EFHC2: variants seen among roughly 807,000 people sequenced by gnomAD.
The protein encoded by EFHC2 is EF-hand domain containing 2.
In EFHC2, 18 loss-of-function variants were observed where a neutral mutation model predicts 52.7. That is an observed-to-expected ratio of 0.34 (90% CI 0.24 to 0.51). The LOEUF is 0.51. Ranked by LOEUF, EFHC2 falls within the 20% of genes least tolerant of loss-of-function variation. The probability of loss-of-function intolerance (pLI) is 0.97; values close to 1 mark genes in which losing one functional copy is unlikely to be tolerated. For missense variants in EFHC2, 513 were observed against 562.5 expected (o/e 0.91, Z 0.89); for synonymous variants, 203 against 204.1 (o/e 0.99, Z 0.04).
At chrX:44,277,854 A>C (rs949234142) in intron 2 of EFHC2, among the ~76,000 whole-genome samples, 1 of 110,797 alleles carries the variant, frequency 9.0e-6, no homozygotes, top group Non-Finnish European at 1.9e-5. Context: ...AAATATAAAA[A>C]ATATACAAAT....
chrX:44,252,635 T>C (rs761113140), intron 4 of EFHC2, among the ~76,000 whole-genome samples: 85 of 112,284 alleles, frequency 7.6e-4, no homozygotes, highest in Non-Finnish European at 1.2e-3. Flanking sequence ...CAGAAGTAAA[T>C]GTATGAAAGT....
chrX:44,276,302 C>T lies in EFHC2; in HGVS notation c.232-3466G>A, dbSNP rs771136740. On this transcript the variant is annotated intron_variant, in intron 2 of 14. Coordinates refer to ENST00000420999, the MANE Select transcript of EFHC2 (RefSeq NM_025184.4). ...AACTAGTCAGGTATGGTGGTGCGTG[C>T]CTCATAGTCCAAGCTGCTCAGGAAG... is the stretch of plus-strand genomic sequence containing the variant. 4.5e-3 allele frequency among the ~76,000 whole-genome samples: 505 copies of T among 111,083 alleles called. 3 individuals are homozygous for T. Among genetic ancestry groups the T allele is most frequent in the Non-Finnish European group, 5.5e-3 (293 of 52,971 alleles).
At chrX:44,323,386 G>T (rs1411850128) in intron 1 of EFHC2, among the ~76,000 whole-genome samples, 1 of 112,021 alleles carries the variant, frequency 8.9e-6, no homozygotes, top group African/African-American at 3.2e-5. Flanking sequence ...ATAGATTAGG[G>T]TTACAGGAAT....
chrX:44,151,804 C>T (rs943690379), intron 14 of EFHC2, among the ~76,000 whole-genome samples: 10 of 111,572 alleles, frequency 9.0e-5, no homozygotes, highest in Non-Finnish European at 1.7e-4. Context: ...AGTAGGAAAA[C>T]AAGGCTCAGA....
At chrX:44,177,095 G>A (rs1474765236) in intron 12 of EFHC2, among the ~76,000 whole-genome samples, 1 of 111,706 alleles carries the variant, frequency 9.0e-6, no homozygotes, top group Non-Finnish European at 1.9e-5. Flanking sequence ...AGGCTATCTG[G>A]TCAAGCAGCC....
intron 3 of EFHC2, among the ~76,000 whole-genome samples, chrX:44,262,018 T>A (rs1285529349): frequency 9.0e-6 from 1 of 111,154 alleles, no homozygotes; most frequent in African/African-American, 3.3e-5. Flanking sequence ...TCATCCCATC[T>A]TCTACTTCCA....
chrX:44,250,189 C>A lies in EFHC2; in HGVS notation c.858+5G>T, dbSNP rs1168821982. ...AAATTCAAAGTGGTTATATCCACTG[C>A]TCACCTTGGGTAGCTTACTCCTCCG... On this transcript the variant is annotated splice_donor_5th_base_variant and intron_variant, in intron 5 of 14. Transcript: ENST00000420999. The A allele has an allele frequency of 8.3e-7, 1 of 1,208,247 alleles. No homozygotes were observed. Among genetic ancestry groups the A allele is most frequent in the East Asian group, 3.0e-5 (1 of 33,822 alleles).
At chrX:44,248,518 T>TTAG (rs2037417544) in intron 6 of EFHC2, 108 bp from the exon 7 acceptor site, 1 of 919,019 alleles carries the variant, frequency 1.1e-6, no homozygotes, top group Admixed American at 3.6e-5. Context: ...CAATCTTTAA[T>TTAG]AACTAAATTT....
At chrX:44,328,482 G>A (rs1277159695) in intron 1 of EFHC2, among the ~76,000 whole-genome samples, 1 of 111,128 alleles carries the variant, frequency 9.0e-6, no homozygotes, top group African/African-American at 3.3e-5. Flanking sequence ...GCCAATTTAC[G>A]CTGACTTCTT....
At position 44,170,741 on chromosome X, in the gene EFHC2, T is replaced by C. The variant is rs187182152; in HGVS notation, c.2042+5551A>G. Among the ~76,000 whole-genome samples, 238 of 111,095 alleles carry C rather than the reference T, an allele frequency of 2.1e-3. 2 individuals are homozygous for C. The highest frequency in any genetic ancestry group is 7.6e-3 in the African/African-American group (231 of 30,592). Reference sequence around the variant, plus strand: ...TCTCCACCTGAGTCCCCTGCTTCACTCCTCTCCAAACGACATTGGCTCTTG... The same window carrying C: ...TCTCCACCTGAGTCCCCTGCTTCACCCCTCTCCAAACGACATTGGCTCTTG... On this transcript the variant is annotated intron_variant, in intron 13 of 14. Coordinates refer to ENST00000420999, the MANE Select transcript of EFHC2 (RefSeq NM_025184.4).
At chrX:44,158,654 C>A (rs1383829828) in intron 14 of EFHC2, among the ~76,000 whole-genome samples, 1 of 111,072 alleles carries the variant, frequency 9.0e-6, no homozygotes, top group Non-Finnish European at 1.9e-5. Flanking sequence ...AAAGTCATAA[C>A]TGGGAGGTTT....
chrX:44,202,792 G>C (rs1220843553), intron 11 of EFHC2, among the ~76,000 whole-genome samples: 4 of 111,286 alleles, frequency 3.6e-5, no homozygotes, highest in African/African-American at 1.3e-4. Context: ...CAGGGGACCA[G>C]TAGGTCCCCT....
chrX:44,341,068 T>C (rs1230156597), intron 1 of EFHC2, among the ~76,000 whole-genome samples: 5 of 111,772 alleles, frequency 4.5e-5, no homozygotes, highest in African/African-American at 1.6e-4. Flanking sequence ...TACTACAGAG[T>C]AATAAAAATG....
intron 1 of EFHC2, among the ~76,000 whole-genome samples, chrX:44,313,334 T>C (rs1602212494): frequency 9.0e-6 from 1 of 111,650 alleles, no homozygotes; most frequent in East Asian, 2.8e-4. Flanking sequence ...AAAGCACAGA[T>C]ACAACTACCA....
chrX:44,221,249 T>C (rs775080456), intron 11 of EFHC2, among the ~76,000 whole-genome samples: 1 of 111,695 alleles, frequency 9.0e-6, no homozygotes, highest in Admixed American at 9.5e-5. Flanking sequence ...AAGTTTGTGA[T>C]AGCTTTTGCC....
chrX:44,310,118 C>T (rs992342505), intron 2 of EFHC2: 4 of 696,363 alleles, frequency 5.7e-6, no homozygotes, highest in Non-Finnish European at 7.1e-6. Flanking sequence ...TCTCCTCGGG[C>T]TTCAGGGATT....
At chrX:44,267,007 C>T (rs189107824) in intron 3 of EFHC2, among the ~76,000 whole-genome samples, 38 of 111,722 alleles carry the variant, frequency 3.4e-4, no homozygotes, top group African/African-American at 1.2e-3. Context: ...AGTTCTTGAC[C>T]CCATGTCTAC....
chrX:44,343,344 A>C (rs1010519916), intron 1 of EFHC2, among the ~76,000 whole-genome samples: 7 of 112,043 alleles, frequency 6.2e-5, no homozygotes, highest in African/African-American at 9.8e-5. Flanking sequence ...GACTCTCTCT[A>C]TATATTTCTA....
At chrX:44,255,188 A>G (rs1259581897) in intron 4 of EFHC2, among the ~76,000 whole-genome samples, 1 of 112,274 alleles carries the variant, frequency 8.9e-6, no homozygotes. Flanking sequence ...TATAAAGACC[A>G]TTGATGCTAT....
Sources: allele counts gnomAD v4.1 joint callset (sites outside exome capture counted in the v4.1 genomes callset), GRCh38; gene constraint gnomAD v4.1.1; transcripts MANE v1.5; gene names NCBI Gene and HGNC (gene_info 2026-07-23, HGNC 2026-07-21).